Variants in NCKIPSD observed in about 807,000 individuals in gnomAD.
The protein encoded by NCKIPSD is NCK interacting protein with SH3 domain.
NCKIPSD carries 48 observed loss-of-function variants against 73.4 expected under a neutral mutation model. The observed-to-expected ratio is 0.65, with a 90% confidence interval of 0.52 to 0.83. The LOEUF (loss-of-function observed/expected upper bound fraction) is 0.83, where lower values mean the gene tolerates loss of function less well. Ranked by LOEUF, NCKIPSD falls within the 40% of genes least tolerant of loss-of-function variation. NCKIPSD has a pLI of 0.00. For synonymous variants in NCKIPSD, 422 were observed against 403.6 expected (o/e 1.05, Z -0.54); for missense variants, 884 against 970.2 (o/e 0.91, Z 1.18).
Position 48,679,963 on chromosome 3 carries a change from ATATG to A in NCKIPSD, c.1264-80_1264-77del. On this transcript the variant is annotated intron_variant, in intron 6 of 12. Coordinates refer to ENST00000294129, the MANE Select transcript of NCKIPSD (RefSeq NM_016453.4). Reference sequence around the variant, plus strand: ...AGCCGCACAAGAGAGGGCTGAGCACATATGTGTAGGGGAGACTCCTAGCACTGTG... The same window carrying A: ...AGCCGCACAAGAGAGGGCTGAGCACATGTAGGGGAGACTCCTAGCACTGTG... 8 of 1,612,066 alleles carry A rather than the reference ATATG, an allele frequency of 5.0e-6. No individual in the cohort carries two copies. The South Asian group carries it at 8.8e-5, about 18-fold the overall frequency.
chr3:48,682,131 G>A lies in NCKIPSD; in HGVS notation c.512C>T (p.Pro171Leu). 1 of 1,598,818 alleles carries A rather than the reference G, an allele frequency of 6.3e-7. No homozygotes were observed. The highest frequency in any genetic ancestry group is 8.5e-7 in the Non-Finnish European group (1 of 1,179,018). The change falls in exon 4 of 13, where the codon CCA (proline) becomes CTA (leucine). Residue 171 changes from proline (P) to leucine (L), a missense_variant. By Grantham distance (98) the Pro-to-Leu change is moderately conservative (BLOSUM62 -3). Coordinates refer to ENST00000294129, the MANE Select transcript of NCKIPSD (RefSeq NM_016453.4). ...GGGTGCTGCTCGGCGAGGCTGTGGTGGGATCTGGGAAGATGGAAGTGGGAT... is the reference window on the plus strand; with the variant it reads ...GGGTGCTGCTCGGCGAGGCTGTGGTAGGATCTGGGAAGATGGAAGTGGGAT... ...YQIPLPSSQIPPQPRRAAPTT... is the reference protein window; with the variant it reads ...YQIPLPSSQILPQPRRAAPTT...
intron 4 of NCKIPSD, 93 bp downstream of exon 4, chr3:48,681,935 AGTCCTGTCCTCTTCCCC>A: frequency 1.4e-6 from 2 of 1,467,892 alleles, no homozygotes; most frequent in Non-Finnish European, 1.8e-6. Context: ...CCAAAATGGG[AGTCCTGTCCTCTTCCCC>A]AGCTTAGAGC....
chr3:48,675,742 C>T (rs1171942837), intron 12 of NCKIPSD, among the ~76,000 whole-genome samples: 2 of 151,552 alleles, frequency 1.3e-5, no homozygotes, highest in East Asian at 1.9e-4. Context: ...GACGGGGTTT[C>T]GCCATGTTGG....
In NCKIPSD at chr3:48,685,866, G is replaced by C. The variant is rs1575572683; in HGVS notation, c.-59C>G. 5 of 1,338,754 alleles carry C rather than the reference G, an allele frequency of 3.7e-6. No homozygotes were observed. In the Admixed American group the frequency reaches 1.2e-4, roughly 33 times the overall value. 82.9% of individuals were successfully genotyped at this position (1,338,754 alleles called of 1,614,324 possible). ...AAGGGCTGCGGCGCCACAACGCCAG[G>C]CCGGGAGCGCCGAGCCGCGCCGCGG... On this transcript the variant is annotated 5_prime_UTR_variant, in exon 1 of 13. Transcript: ENST00000294129.
chr3:48,682,047 C>A lies in NCKIPSD; in HGVS notation c.596G>T (p.Ser199Ile). 6.2e-7 allele frequency: 1 copy of A among 1,600,718 alleles called. No homozygotes were observed. Among genetic ancestry groups the A allele is most frequent in the Non-Finnish European group, 8.5e-7 (1 of 1,179,764 alleles). The change falls in exon 4 of 13, where the codon AGT becomes ATT. Residue 199 changes from serine to isoleucine, a missense_variant and splice_region_variant. Ser to Ile is a moderately radical substitution (Grantham distance 142). Coordinates refer to ENST00000294129, the MANE Select transcript of NCKIPSD (RefSeq NM_016453.4). ...TTCCCCTAACCCTGCCTTCTTACCA[C>A]TCCCAGAGGCCATCAGGGCCTCGCG... ...RDREALMASG[S>I]GGHNTMPSGG...
chr3:48,682,715 T>C (rs1333401462), intron 2 of NCKIPSD, among the ~76,000 whole-genome samples, 163 bp from the exon 3 acceptor site: 1 of 151,998 alleles, frequency 6.6e-6, no homozygotes, highest in African/African-American at 2.4e-5. Flanking sequence ...TCCTCAGTCC[T>C]GCGCTCTGCA....
rs779839818 is a variant in NCKIPSD, at chr3:48,678,614, G to C, written c.1915C>G (p.Leu639Val). 13 of 1,614,084 alleles carry C rather than the reference G, an allele frequency of 8.1e-6. No homozygotes were observed. In the Admixed American group the frequency reaches 8.3e-5, roughly 10 times the overall value. Residue 639 changes from leucine to valine, a missense_variant, in exon 12 of 13, where the codon CTC (leucine) becomes GTC (valine). By Grantham distance (32) the Leu-to-Val change is conservative (BLOSUM62 1). Coordinates refer to ENST00000294129, the MANE Select transcript of NCKIPSD (RefSeq NM_016453.4). ...ATGTGCCGCACAGTGATGTCAATGAGAGCCATCATGTCTGTGTGGTAGAAG... is the reference window on the plus strand; with the variant it reads ...ATGTGCCGCACAGTGATGTCAATGACAGCCATCATGTCTGTGTGGTAGAAG... ...AIFYHTDMMA[L>V]IDITVRHIAD... is the part of the protein sequence containing the mutation.
At position 48,681,483 on chromosome 3, in the gene NCKIPSD, T is replaced by C; in HGVS notation, c.896A>G (p.Glu299Gly). The C allele has an allele frequency of 6.2e-7, 1 of 1,614,136 alleles. No individual in the cohort carries two copies. Among genetic ancestry groups the C allele is most frequent in the Non-Finnish European group, 8.5e-7 (1 of 1,180,028 alleles). ...ALGTLSLGTT[E>G]EKAAAEAAVP... ...AGCCGCCTCAGCTGCTGCCTTCTCCTCTGTGGTCCCCAGGCTCAGTGTACC... is the reference window on the plus strand; with the variant it reads ...AGCCGCCTCAGCTGCTGCCTTCTCCCCTGTGGTCCCCAGGCTCAGTGTACC... Residue 299 changes from glutamate (E) to glycine (G), a missense_variant, in exon 5 of 13, where the codon GAG (glutamate) becomes GGG (glycine). By Grantham distance (98) the Glu-to-Gly change is moderately conservative. Coordinates refer to ENST00000294129, the MANE Select transcript of NCKIPSD (RefSeq NM_016453.4).
Position 48,685,843 on chromosome 3 carries a change from G to C in NCKIPSD, c.-36C>G. On this transcript the variant is annotated 5_prime_UTR_variant, in exon 1 of 13. Coordinates refer to ENST00000294129, the MANE Select transcript of NCKIPSD (RefSeq NM_016453.4). ...AGGGCAGGTGCAGGGAAGGTGGCAAGGGCTGCGGCGCCACAACGCCAGGCC... is the reference window on the plus strand; with the variant it reads ...AGGGCAGGTGCAGGGAAGGTGGCAACGGCTGCGGCGCCACAACGCCAGGCC... The C allele has an allele frequency of 2.2e-6, 3 of 1,373,028 alleles. No homozygotes were observed. Among genetic ancestry groups the C allele is most frequent in the Non-Finnish European group, 9.4e-7 (1 of 1,068,216 alleles). The allele number at this position is 1,373,028 out of a possible 1,614,324, so 85.1% of individuals were successfully genotyped here. A position where few individuals can be genotyped will look rare whatever the true frequency, so the allele number is the denominator to read the frequency against.
chr3:48,683,686 G>A (rs2077390491), intron 1 of NCKIPSD, among the ~76,000 whole-genome samples: 2 of 152,166 alleles, frequency 1.3e-5, no homozygotes, highest in Admixed American at 6.5e-5. Context: ...TCCAGGCTCT[G>A]TACTGCCATC....
Position 48,674,417 on chromosome 3 carries a change from G to A in NCKIPSD, c.*127C>T, listed in dbSNP as rs2077220741. ...CTCTCTTAAGTTCTACTTCAGGTGG[G>A]GGTCCTGCTCAGGTTCCTTCTGCCA... On this transcript the variant is annotated 3_prime_UTR_variant, in exon 13 of 13. Transcript: ENST00000294129. 6.8e-7 allele frequency: 1 copy of A among 1,467,804 alleles called. No individual in the cohort carries two copies. The highest frequency in any genetic ancestry group is 2.2e-5 in the Admixed American group (1 of 44,864). The allele number at this position is 1,467,804 out of a possible 1,614,324, so 90.9% of individuals were successfully genotyped here. A position where few individuals can be genotyped will look rare whatever the true frequency, so the allele number is the denominator to read the frequency against.
chr3:48,677,548 C>T (rs2077274505), intron 12 of NCKIPSD, among the ~76,000 whole-genome samples: 1 of 152,070 alleles, frequency 6.6e-6, no homozygotes, highest in African/African-American at 2.4e-5. Flanking sequence ...ATTTCTACTC[C>T]CCAATAACTT....
At chr3:48,679,313 G>C in intron 9 of NCKIPSD, 64 bp downstream of exon 9, 2 of 1,612,346 alleles carry the variant, frequency 1.2e-6, no homozygotes, top group Non-Finnish European at 1.7e-6. Context: ...GCAGGTCCCA[G>C]GCCCTCGGGC....
In NCKIPSD at chr3:48,674,050, G is replaced by C. The variant is rs2077214284; in HGVS notation, c.*494C>G. On this transcript the variant is annotated 3_prime_UTR_variant, in exon 13 of 13. Coordinates refer to ENST00000294129, the MANE Select transcript of NCKIPSD (RefSeq NM_016453.4). The stretch of plus-strand genomic sequence containing the variant: ...CAGCAGCTTGGCCAAGGCCTCTGGG[G>C]GTAGGAGTGAAGGGCAGCGACCCCC... The C allele has an allele frequency of 9.3e-7, 1 of 1,074,972 alleles. No homozygotes were observed. The highest frequency in any genetic ancestry group is 1.6e-5 in the African/African-American group (1 of 61,420). The allele number at this position is 1,074,972 out of a possible 1,614,324, so 66.6% of individuals were successfully genotyped here.
In NCKIPSD at chr3:48,681,067, C is replaced by A. The variant is rs1176170941; in HGVS notation, c.1092+220G>T. 6 of 596,036 alleles carry A rather than the reference C, an allele frequency of 1.0e-5. No individual in the cohort carries two copies. In the East Asian group the frequency reaches 1.2e-4, roughly 12 times the overall value. 36.9% of individuals were successfully genotyped at this position (596,036 alleles called of 1,614,324 possible). On this transcript the variant is annotated intron_variant, in intron 5 of 12. Transcript: ENST00000294129. ...GTTCCACTTCCTCCCACAAGCCAGG[C>A]TCAGTCCTGCCTTGTGGCCCTTGTC...
Position 48,678,880 on chromosome 3 carries a change from CT to C in NCKIPSD, c.1788del (p.Asp598MetfsTer39). On this transcript the variant is annotated frameshift_variant, in exon 11 of 13. Coordinates refer to ENST00000294129, the MANE Select transcript of NCKIPSD (RefSeq NM_016453.4). LOFTEE classifies it high-confidence loss of function. ...GCGCAGATTCCCGGGCCCTCACCCC[CT>C]CTGTTCAGGAGCAACAACAGCTTCT... ...FSEKLLLLLN[R>X]GDDPVRIFKH... 6.2e-7 allele frequency: 1 copy of C among 1,613,904 alleles called. No homozygotes were observed. Among genetic ancestry groups the C allele is most frequent in the Non-Finnish European group, 8.5e-7 (1 of 1,179,998 alleles).
At chr3:48,678,465 G>A in intron 12 of NCKIPSD, 99 bp downstream of exon 12, 7 of 1,417,830 alleles carry the variant, frequency 4.9e-6, no homozygotes, top group East Asian at 5.0e-5. Context: ...GGCTCCAGCA[G>A]TGGCCTTGCC....
rs1254823546 is a variant in NCKIPSD at position 48,683,175 on chromosome 3, A to C, written c.172-163T>G. On this transcript the variant is annotated intron_variant, in intron 1 of 12. Coordinates refer to ENST00000294129, the MANE Select transcript of NCKIPSD (RefSeq NM_016453.4). ...AACCAGAATATGGAATGGGGTTCTC[A>C]AACTGTATCACTCAGGGAGCTGAGG... 2.0e-5 allele frequency: 26 copies of C among 1,300,598 alleles called. No individual in the cohort carries two copies. The East Asian group carries it at 2.0e-4, about 10-fold the overall frequency. 80.6% of individuals were successfully genotyped at this position (1,300,598 alleles called of 1,614,324 possible). A position where few individuals can be genotyped will look rare whatever the true frequency, so the allele number is the denominator to read the frequency against.
rs1431986374 is a variant in NCKIPSD at position 48,685,666 on chromosome 3, C to T, written c.142G>A (p.Val48Met). The T allele has an allele frequency of 9.2e-6, 14 of 1,525,570 alleles. No homozygotes were observed. The highest frequency in any genetic ancestry group is 1.2e-5 in the Non-Finnish European group (14 of 1,142,466). The allele number at this position is 1,525,570 out of a possible 1,614,324, so 94.5% of individuals were successfully genotyped here. The change falls in exon 1 of 13, where the codon GTG becomes ATG. Residue 48 changes from valine (V) to methionine (M), a missense_variant. By Grantham distance (21) the Val-to-Met change is conservative (BLOSUM62 1). Coordinates refer to ENST00000294129, the MANE Select transcript of NCKIPSD (RefSeq NM_016453.4). ...ARARSGETGY[V>M]PPAYLRRLQG... ...AGGCGGCGCAGGTAGGCTGGCGGCACGTAGCCCGTCTCACCACTGCGCGCC... is the reference window on the plus strand; with the variant it reads ...AGGCGGCGCAGGTAGGCTGGCGGCATGTAGCCCGTCTCACCACTGCGCGCC...
Sources: allele counts gnomAD v4.1 joint callset (sites outside exome capture counted in the v4.1 genomes callset), GRCh38; gene constraint gnomAD v4.1.1; transcripts MANE v1.5; gene names NCBI Gene and HGNC (gene_info 2026-07-23, HGNC 2026-07-21).